Variants in EML1 observed in about 807,000 individuals in gnomAD.
The protein encoded by EML1 is EMAP like 1.
In EML1, 27 loss-of-function variants were observed where a neutral mutation model predicts 110.4. The observed-to-expected ratio is 0.24, with a 90% CI of 0.18 to 0.34. EML1 has a LOEUF of 0.34. Among genes scored for constraint, EML1 ranks in the 10% least tolerant of loss-of-function variants. The pLI, the probability that EML1 is intolerant of heterozygous loss-of-function variation, is 1.00. For synonymous variants in EML1, 344 were observed against 385.8 expected, an observed-to-expected ratio of 0.89 and a Z score of 1.27; for missense variants, 741 against 1,030.9, an observed-to-expected ratio of 0.72 and a Z score of 3.85.
intron 8 of EML1, 128 bp downstream of exon 8, chr14:99,898,430 C>A: frequency 1.2e-6 from 1 of 867,298 alleles, no homozygotes; most frequent in Non-Finnish European, 1.7e-6. Context: ...CTGAACCCCT[C>A]ACTAGAATTT....
intron 1 of EML1, among the ~76,000 whole-genome samples, chr14:99,758,613 C>T (rs1160938607): frequency 6.6e-6 from 1 of 152,156 alleles, no homozygotes; most frequent in Non-Finnish European, 1.5e-5. Context: ...AGTCAGTCCT[C>T]GCCCTAGTCA....
intron 1 of EML1, among the ~76,000 whole-genome samples, chr14:99,823,991 C>T (rs1026500774): frequency 3.9e-5 from 6 of 152,082 alleles, no homozygotes; most frequent in South Asian, 2.1e-4. Flanking sequence ...CTCGCTCTGT[C>T]GCCAGGCTGG....
intron 17 of EML1, among the ~76,000 whole-genome samples, chr14:99,923,032 C>T (rs1395696729): frequency 2.0e-5 from 3 of 152,176 alleles, no homozygotes; most frequent in Non-Finnish European, 4.4e-5. Context: ...CAGCCTTGAC[C>T]TCAGGTCCAA....
chr14:99,866,723 C>A (rs1370880214), intron 3 of EML1, among the ~76,000 whole-genome samples: 1 of 152,088 alleles, frequency 6.6e-6, no homozygotes, highest in Non-Finnish European at 1.5e-5. Context: ...CTCCCCACTG[C>A]CCTTGGCAAC....
intron 1 of EML1, among the ~76,000 whole-genome samples, chr14:99,739,117 AGAGTGTGTGTGTGT>A (rs1340591678): frequency 2.2e-4 from 14 of 64,182 alleles, no homozygotes; most frequent in South Asian, 2.0e-3. Context: ...AGAGAGAGAG[AGAGTGTGTGTGTGT>A]GTGTGTGTGT....
chr14:99,749,955 C>T (rs1034431586), intron 1 of EML1, among the ~76,000 whole-genome samples: 20 of 152,226 alleles, frequency 1.3e-4, no homozygotes, highest in Non-Finnish European at 2.2e-4. Context: ...TTGCTGTGAC[C>T]GGCTTTGCCA....
At chr14:99,846,281 AT>A (rs1251744096) in intron 1 of EML1, among the ~76,000 whole-genome samples, 2,227 of 109,966 alleles carry the variant, frequency 0.02, 41 homozygotes, top group African/African-American at 0.069. Flanking sequence ...CCAGCTGGTG[AT>A]TTTTTTTTTT....
intron 1 of EML1, among the ~76,000 whole-genome samples, chr14:99,818,534 G>A (rs1294938848): frequency 6.6e-6 from 1 of 152,172 alleles, no homozygotes. Flanking sequence ...GAGGTGAGGG[G>A]TGTGGGAAGA....
intron 12 of EML1, 108 bp downstream of exon 12, chr14:99,910,449 A>T: frequency 1.2e-6 from 1 of 845,614 alleles, no homozygotes. Flanking sequence ...GAGTAGGATG[A>T]AATTTCAAGT....
At chr14:99,913,282 C>T (rs1384864681) in intron 13 of EML1, among the ~76,000 whole-genome samples, 2 of 151,742 alleles carry the variant, frequency 1.3e-5, no homozygotes, top group African/African-American at 2.4e-5. Flanking sequence ...AAGTAATTCT[C>T]CCACCTCAGC....
intron 1 of EML1, among the ~76,000 whole-genome samples, chr14:99,841,756 A>C (rs1394086908): frequency 6.6e-6 from 1 of 152,186 alleles, no homozygotes; most frequent in Non-Finnish European, 1.5e-5. Context: ...CCCTCTGATT[A>C]AATCTTGTCT....
At chr14:99,825,663 C>A (rs1342115236) in intron 1 of EML1, among the ~76,000 whole-genome samples, 1 of 152,156 alleles carries the variant, frequency 6.6e-6, no homozygotes, top group Non-Finnish European at 1.5e-5. Context: ...GGGCTAGGAA[C>A]TGTTATTGTC....
intron 17 of EML1, among the ~76,000 whole-genome samples, chr14:99,930,218 C>G (rs752394308): frequency 6.6e-6 from 1 of 152,186 alleles, no homozygotes; most frequent in Non-Finnish European, 1.5e-5. Flanking sequence ...ACTGGACAGT[C>G]GAAACTTTAG....
chr14:99,784,432 G>A lies in EML1; in HGVS notation c.-27+10419G>A, dbSNP rs1020707322. On this transcript the variant is annotated intron_variant, in intron 1 of 22. Coordinates refer to the EML1 transcript ENST00000327921. This position sits in a 1 kb window ranked among gnomAD's most constrained non-coding sequence, Gnocchi z 4.5. ...AAAAAGAATTAGCCAAGCAAATATT[G>A]CTTTTAATTTCCCACTTCAGATACT... 6.6e-6 allele frequency among the ~76,000 whole-genome samples: 1 copy of A among 152,174 alleles called. No individual in the cohort carries two copies. Among genetic ancestry groups the A allele is most frequent in the African/African-American group, 2.4e-5 (1 of 41,436 alleles).
rs141348680 is a variant in EML1 at position 99,938,938 on chromosome 14, C to T, written c.2192-259C>T. ...GGCCTCAAGATGAGGCCTCAAAAGA[C>T]CTGGCAGCCCGGAAAGCTTGTCTTT... On this transcript the variant is annotated intron_variant, in intron 20 of 21. Coordinates refer to ENST00000262233, the MANE Select transcript of EML1 (RefSeq NM_004434.3). Among the ~76,000 whole-genome samples the T allele has an allele frequency of 3.1e-3, 475 of 152,340 alleles. 5 individuals carry two copies. Among genetic ancestry groups the T allele is most frequent in the Non-Finnish European group, 5.4e-3 (369 of 68,024 alleles).
chr14:99,742,428 T>C (rs2057053623), intron 1 of EML1, among the ~76,000 whole-genome samples: 1 of 151,688 alleles, frequency 6.6e-6, no homozygotes, highest in African/African-American at 2.4e-5. Flanking sequence ...GGTGGAGGAA[T>C]TGGAAGGAGG....
At chr14:99,741,061 A>G (rs2057035949) in intron 1 of EML1, among the ~76,000 whole-genome samples, 1 of 152,188 alleles carries the variant, frequency 6.6e-6, no homozygotes, top group Non-Finnish European at 1.5e-5. Flanking sequence ...CAGAGCAATG[A>G]ATGCAGGTCC....
chr14:99,932,798 C>T (rs1243149962), intron 17 of EML1, among the ~76,000 whole-genome samples: 5 of 151,832 alleles, frequency 3.3e-5, no homozygotes, highest in South Asian at 2.1e-4. Flanking sequence ...TAGCCAATTG[C>T]GTTAAACCTG....
chr14:99,739,113 AGAGAGAGTGTGTGTGT>A (rs1170119763), intron 1 of EML1, among the ~76,000 whole-genome samples: 5 of 87,474 alleles, frequency 5.7e-5, no homozygotes, highest in Non-Finnish European at 1.2e-4. Flanking sequence ...ACAGAGAGAG[AGAGAGAGTGTGTGTGT>A]GTGTGTGTGT....
Sources: gnomAD v4.1 joint callset for allele counts (sites outside exome capture counted in the v4.1 genomes callset) on GRCh38, gnomAD v4.1.1 for gene constraint, Gnocchi (gnomAD v3.1) non-coding constraint, MANE v1.5 for transcripts, NCBI Gene and HGNC (gene_info 2026-07-23, HGNC 2026-07-21) for gene names.